The following DIPK1B variants were observed in gnomAD, a reference collection of about 807,000 sequenced individuals.
DIPK1B encodes the protein family with sequence similarity 69 member B.
Under a neutral mutation model 20.7 loss-of-function variants are expected in DIPK1B, and 17 were observed. That is an observed-to-expected ratio of 0.82 (90% CI 0.56 to 1.23). DIPK1B has a LOEUF of 1.23. DIPK1B is among the 50% of genes most tolerant of loss of function. The pLI is 0.00. For synonymous variants in DIPK1B, 343 were observed against 276.5 expected (o/e 1.24, Z -2.39); for missense variants, 648 against 601.8 (o/e 1.08, Z -0.80).
chr9:136,719,864 C>T (rs1451703188), intron 2 of DIPK1B, among the ~76,000 whole-genome samples: 1 of 151,512 alleles, frequency 6.6e-6, no homozygotes, highest in African/African-American at 2.4e-5. Context: ...GGCACAGGGG[C>T]TGGTCTGGGG....
Position 136,722,238 on chromosome 9 carries a change from T to G in DIPK1B, c.420T>G (p.Phe140Leu). The G allele has an allele frequency of 6.2e-7, 1 of 1,613,910 alleles. No homozygotes were observed. The highest frequency in any genetic ancestry group is 8.5e-7 in the Non-Finnish European group (1 of 1,179,982). The change falls in exon 4 of 5, where the codon TTT becomes TTG. Residue 140 changes from phenylalanine to leucine, a missense_variant. Physicochemically the swap from Phe to Leu is conservative, Grantham distance 22 (BLOSUM62 0). Transcript: ENST00000371692. ...DAAPRRELVL[F>L]DKPTRGTSIK... ...CCCCCCGGCGGGAGCTGGTACTGTT[T>G]GACAAGCCCACCCGGGGCACCTCCA...
Position 136,712,756 on chromosome 9 carries a change from C to T in DIPK1B, c.63+28C>T, listed in dbSNP as rs1846444367. 2.3e-6 allele frequency: 3 copies of T among 1,316,992 alleles called. No individual in the cohort carries two copies. Among genetic ancestry groups the T allele is most frequent in the Admixed American group, 7.8e-5 (2 of 25,698 alleles). The allele number at this position is 1,316,992 out of a possible 1,614,324, so 81.6% of individuals were successfully genotyped here. On this transcript the variant is annotated intron_variant, in intron 1 of 4. Coordinates refer to ENST00000371692, the MANE Select transcript of DIPK1B (RefSeq NM_152421.4). The surrounding 1 kb of genome is among the most constrained non-coding windows in gnomAD (Gnocchi z 5.6). The stretch of plus-strand genomic sequence containing the variant: ...AAGCGCGGTGCGCGCCCGCCGCCCC[C>T]GGCCGCCTCTGCCTGGGGAGGCCGA...
chr9:136,723,455 G>A lies in DIPK1B; in HGVS notation c.977G>A (p.Arg326His), dbSNP rs756418171. Reference protein sequence around the residue: ...LQQVAPEATVRRFLQGRRCEH... With the variant: ...LQQVAPEATVHRFLQGRRCEH... ...CAGGTGGCACCCGAGGCCACCGTGC[G>A]CCGCTTCCTGCAGGGCCGCCGCTGC... The change falls in exon 5 of 5, where the codon CGC becomes CAC. Residue 326 changes from arginine to histidine, a missense_variant. Physicochemically the swap from Arg to His is conservative, Grantham distance 29 (BLOSUM62 0). Coordinates refer to ENST00000371692, the MANE Select transcript of DIPK1B (RefSeq NM_152421.4). The A allele has an allele frequency of 1.4e-5, 23 of 1,610,826 alleles. No homozygotes were observed. In the East Asian group the frequency reaches 2.0e-4, roughly 14 times the overall value.
chr9:136,716,874 T>A (rs1338231874), intron 1 of DIPK1B, among the ~76,000 whole-genome samples: 1 of 152,210 alleles, frequency 6.6e-6, no homozygotes, highest in Non-Finnish European at 1.5e-5. Flanking sequence ...CGCGCTCACC[T>A]GGCCTTGTGC....
At chr9:136,719,997 G>A (rs1846570617) in intron 2 of DIPK1B, among the ~76,000 whole-genome samples, 1 of 150,206 alleles carries the variant, frequency 6.7e-6, no homozygotes, top group Non-Finnish European at 1.5e-5. Context: ...CTGGGGCTCT[G>A]GGTTCAGGGG....
rs377682285 is a variant in DIPK1B at position 136,722,133 on chromosome 9, C to T, written c.315C>T (p.Ser105=). 85 of 1,613,778 alleles carry T rather than the reference C, an allele frequency of 5.3e-5. No individual in the cohort carries two copies. Among genetic ancestry groups the T allele is most frequent in the African/African-American group, 9.3e-5 (7 of 74,898 alleles). Residue 105 remains serine, a synonymous_variant, in exon 4 of 5, where the codon AGC becomes AGT. Coordinates refer to ENST00000371692, the MANE Select transcript of DIPK1B (RefSeq NM_152421.4). The stretch of plus-strand genomic sequence containing the variant: ...TCTGTGGCCCTGTCCAGGTGTACAG[C>T]GGGCTCTGGCGGGACAAGGATGTAA... ...LSVAPGQQVY[S]GLWRDKDVTI...
At chr9:136,713,312 A>G (rs1039610675) in intron 1 of DIPK1B, among the ~76,000 whole-genome samples, 1 of 152,024 alleles carries the variant, frequency 6.6e-6, no homozygotes, top group African/African-American at 2.4e-5. Flanking sequence ...TCAGGCTCCA[A>G]TCATCCGGGG....
chr9:136,722,525 G>C (rs1236799169), intron 4 of DIPK1B: 1 of 609,368 alleles, frequency 1.6e-6, no homozygotes, highest in African/African-American at 1.8e-5. Context: ...GGCAGCTGAG[G>C]TCGAGGGGAG....
Position 136,724,087 on chromosome 9 carries a change from C to T in DIPK1B, c.*313C>T. 1.7e-5 allele frequency: 6 copies of T among 348,342 alleles called. No individual in the cohort carries two copies. Among genetic ancestry groups the T allele is most frequent in the South Asian group, 2.7e-5 (1 of 37,228 alleles). The allele number at this position is 348,342 out of a possible 1,614,324, so 21.6% of individuals were successfully genotyped here. On this transcript the variant is annotated 3_prime_UTR_variant, in exon 5 of 5. Coordinates refer to ENST00000371692, the MANE Select transcript of DIPK1B (RefSeq NM_152421.4). Reference sequence around the variant, plus strand: ...CCCCATCGATGCTGTGTGTGGGACCCTTCGCCCCGCTGTGGATCCACCCAG... The same window carrying T: ...CCCCATCGATGCTGTGTGTGGGACCTTTCGCCCCGCTGTGGATCCACCCAG...
At chr9:136,713,289 C>G (rs1405239452) in intron 1 of DIPK1B, among the ~76,000 whole-genome samples, 2 of 152,196 alleles carry the variant, frequency 1.3e-5, no homozygotes, top group African/African-American at 4.8e-5. Flanking sequence ...TGGGGAGATG[C>G]AGGCCAGGCC....
At chr9:136,722,686 T>C in intron 4 of DIPK1B, 1 of 578,114 alleles carries the variant, frequency 1.7e-6, no homozygotes, top group South Asian at 2.2e-5. Flanking sequence ...CTGAGGCTTC[T>C]CTGCCCAGGT....
At position 136,713,423 on chromosome 9, in the gene DIPK1B, G is replaced by C. The variant is rs566195964; in HGVS notation, c.63+695G>C. Among the ~76,000 whole-genome samples the C allele has an allele frequency of 8.3e-4, 127 of 152,292 alleles. 2 individuals are homozygous for C. The South Asian group carries it at 0.02, about 23-fold the overall frequency. ...ATTTGCCTGTATCTCCCCGGCCCCCGCAGGGTGGTCCTGGGTCAGCAGGAG... is the reference window on the plus strand; with the variant it reads ...ATTTGCCTGTATCTCCCCGGCCCCCCCAGGGTGGTCCTGGGTCAGCAGGAG... On this transcript the variant is annotated intron_variant, in intron 1 of 4. Transcript: ENST00000371692.
chr9:136,717,636 A>T lies in DIPK1B; in HGVS notation c.123A>T (p.Ala41=). The change falls in exon 2 of 5, where the codon GCA becomes GCT. Residue 41 remains alanine, a synonymous_variant. Coordinates refer to ENST00000371692, the MANE Select transcript of DIPK1B (RefSeq NM_152421.4). ...CIFLAWLGVF[A]GSWLVYVHYS... ...TCCTGGCCTGGCTGGGCGTCTTTGC[A>T]GGCAGCTGGCTGGTGTACGTGCACT... 2 of 1,606,924 alleles carry T rather than the reference A, an allele frequency of 1.2e-6. No individual in the cohort carries two copies. The highest frequency in any genetic ancestry group is 1.7e-6 in the Non-Finnish European group (2 of 1,179,922).
rs1015352031 is a variant in DIPK1B at position 136,717,692 on chromosome 9, A to G, written c.179A>G (p.His60Arg). Residue 60 changes from histidine (H) to arginine (R), a missense_variant, in exon 2 of 5, where the codon CAT becomes CGT. Transcript: ENST00000371692. ...TCCTACTCGGAGCGCTGTCGCGGCC[A>G]TGTCTGCCAGGTGGTCATTGTAAGT... ...YSSYSERCRG[H>R]VCQVVICDQY... is the part of the protein sequence containing the mutation. 4 of 1,611,136 alleles carry G rather than the reference A, an allele frequency of 2.5e-6. No individual in the cohort carries two copies. The highest frequency in any genetic ancestry group is 4.5e-5 in the East Asian group (2 of 44,852).
At chr9:136,721,704 G>C in intron 2 of DIPK1B, 1 of 565,744 alleles carries the variant, frequency 1.8e-6, no homozygotes, top group South Asian at 2.0e-5. Flanking sequence ...GGACGGGACC[G>C]GACCGGAGGG....
intron 1 of DIPK1B, among the ~76,000 whole-genome samples, chr9:136,714,274 C>T (rs962597464): frequency 1.3e-5 from 2 of 152,216 alleles, no homozygotes; most frequent in Admixed American, 6.5e-5. Context: ...CTGCAGTGAG[C>T]TGTGACTGGA....
chr9:136,722,360 A>G, intron 4 of DIPK1B, 59 bp downstream of exon 4: 2 of 1,550,804 alleles, frequency 1.3e-6, no homozygotes, highest in South Asian at 2.4e-5. Flanking sequence ...TATGCCCAGC[A>G]GGCGGCCCTG....
intron 1 of DIPK1B, among the ~76,000 whole-genome samples, chr9:136,715,854 T>TATC (rs1846488855): frequency 6.6e-6 from 1 of 152,088 alleles, no homozygotes; most frequent in Admixed American, 6.6e-5. Flanking sequence ...GCATAAAGTG[T>TATC]ATCATCTTAA....
rs763806256 is a variant in DIPK1B at position 136,723,213 on chromosome 9, A to G, written c.735A>G (p.Pro245=). The change falls in exon 5 of 5, where the codon CCA becomes CCG. Residue 245 remains proline (P), a synonymous_variant. Transcript: ENST00000371692. ...PHGAWHAAAL[P]PLLRPLLPPA... is the part of the protein sequence containing the mutation. ...GCGCCTGGCACGCGGCCGCCCTTCC[A>G]CCCCTGTTGCGCCCACTGCTGCCGC... The G allele has an allele frequency of 8.7e-6, 14 of 1,612,070 alleles. No individual in the cohort carries two copies. The South Asian group carries it at 1.1e-4, about 13-fold the overall frequency.
Sources: allele counts gnomAD v4.1 joint callset (sites outside exome capture counted in the v4.1 genomes callset), GRCh38; gene constraint gnomAD v4.1.1; non-coding constraint Gnocchi (gnomAD v3.1); transcripts MANE v1.5; gene names NCBI Gene and HGNC (gene_info 2026-07-23, HGNC 2026-07-21).